PPP2R2A: variants seen among roughly 807,000 people sequenced by gnomAD.
PPP2R2A encodes the protein serine/threonine-protein phosphatase 2A 55 kDa regulatory subunit B alpha isoform.
In PPP2R2A, 9 loss-of-function variants were observed where a neutral mutation model predicts 53.2. That is an observed-to-expected ratio of 0.17 (90% confidence interval 0.10 to 0.30). The LOEUF is 0.30. Among genes scored for constraint, PPP2R2A ranks in the 10% least tolerant of loss-of-function variants. The pLI, the probability that PPP2R2A is intolerant of heterozygous loss-of-function variation, is 1.00. For synonymous variants in PPP2R2A, 169 were observed against 174.2 expected (o/e 0.97, Z 0.23); for missense variants, 235 against 534.6 (o/e 0.44, Z 5.53).
Position 26,295,897 on chromosome 8 carries a change from A to G in PPP2R2A, c.82+2157A>G, listed in dbSNP as rs529472462. ...TGCTTTTCTGAAGTAAAATAAGGTT[A>G]TTAACACATTCCCCACCCCCCTACC... On this transcript the variant is annotated intron_variant, in intron 2 of 9. Transcript: ENST00000380737. Among the ~76,000 whole-genome samples, 19 of 152,266 alleles carry G rather than the reference A, an allele frequency of 1.2e-4. No homozygotes were observed. In the South Asian group the frequency reaches 3.7e-3, roughly 30 times the overall value.
chr8:26,348,254 G>A (rs968567912), intron 3 of PPP2R2A, among the ~76,000 whole-genome samples: 8 of 151,828 alleles, frequency 5.3e-5, no homozygotes, highest in South Asian at 2.1e-4. Context: ...TTTTTTCCAC[G>A]GAGCAAAGTA....
In PPP2R2A at chr8:26,292,357, G is replaced by C. The variant is rs906707773; in HGVS notation, c.7+531G>C. On this transcript the variant is annotated intron_variant, in intron 1 of 9. Transcript: ENST00000380737. ...CCCCACTGTAGATGCCAATATTTTT[G>C]AGACTGGAAGCCTAAATTTTTTGTT... The C allele has an allele frequency of 5.6e-5, 55 of 986,182 alleles. 1 individual carries two copies. The South Asian group carries it at 2.3e-3, about 42-fold the overall frequency. 61.1% of individuals were successfully genotyped at this position (986,182 alleles called of 1,614,324 possible).
rs1585407151 is a variant in PPP2R2A, at chr8:26,360,985, T to C, written c.471T>C (p.Phe157=). 2 of 1,600,272 alleles carry C rather than the reference T, an allele frequency of 1.2e-6. No individual in the cohort carries two copies. The highest frequency in any genetic ancestry group is 2.7e-5 in the African/African-American group (2 of 74,098). Residue 157 remains phenylalanine (F), a synonymous_variant, in exon 6 of 10, where the codon TTT becomes TTC. Coordinates refer to ENST00000380737, the MANE Select transcript of PPP2R2A (RefSeq NM_002717.4). The surrounding 1 kb of genome is among the most constrained non-coding windows in gnomAD (Gnocchi z 4.5). The stretch of plus-strand genomic sequence containing the variant: ...TGTCTTATTGACAGGTGCCAGTCTT[T>C]AGGCCTATGGATCTAATGGTTGAGG... The part of the protein sequence containing the change: ...TTVTTLRVPV[F]RPMDLMVEAS...
At chr8:26,356,379 G>T (rs573066205) in intron 4 of PPP2R2A, among the ~76,000 whole-genome samples, 71 of 152,280 alleles carry the variant, frequency 4.7e-4, no homozygotes, top group Non-Finnish European at 9.1e-4. Flanking sequence ...AGTCCATTGA[G>T]ATGCGTACCC....
At chr8:26,358,005 C>A (rs1050865052) in intron 4 of PPP2R2A, among the ~76,000 whole-genome samples, 6 of 151,924 alleles carry the variant, frequency 3.9e-5, no homozygotes, top group Admixed American at 1.3e-4. Flanking sequence ...TGCTGTAGAA[C>A]ATAAGGATTC....
chr8:26,361,061 A>G lies in PPP2R2A; in HGVS notation c.547A>G (p.Ile183Val), dbSNP rs980752573. 4.2e-5 allele frequency: 68 copies of G among 1,608,184 alleles called. No homozygotes were observed. The highest frequency in any genetic ancestry group is 5.1e-5 in the Non-Finnish European group (60 of 1,178,740). Residue 183 changes from isoleucine (I) to valine (V), a missense_variant, in exon 6 of 10, where the codon ATT (isoleucine) becomes GTT (valine). Ile to Val is a conservative substitution (Grantham distance 29). Coordinates refer to ENST00000380737, the MANE Select transcript of PPP2R2A (RefSeq NM_002717.4). ...ANAHTYHINS[I>V]SINSDYETYL... ...TGCTCATACATATCACATCAACTCA[A>G]TTTCTATTAATAGTGATTATGAAAC...
chr8:26,334,560 A>C (rs1803554915), intron 2 of PPP2R2A, among the ~76,000 whole-genome samples: 1 of 152,046 alleles, frequency 6.6e-6, no homozygotes, highest in South Asian at 2.1e-4. Flanking sequence ...CCTGGCTAAC[A>C]CGGTGAAACC....
At chr8:26,341,603 T>C (rs1382344700) in intron 3 of PPP2R2A, among the ~76,000 whole-genome samples, 1 of 152,230 alleles carries the variant, frequency 6.6e-6, no homozygotes, top group African/African-American at 2.4e-5. Flanking sequence ...GATTTGGGTC[T>C]CCGATTTTCA....
intron 1 of PPP2R2A, chr8:26,292,187 A>G (rs1585312393): frequency 8.9e-7 from 1 of 1,124,812 alleles, no homozygotes; most frequent in Non-Finnish European, 1.1e-6. Flanking sequence ...CCCCGCCTTT[A>G]TTTTTTTTTC....
chr8:26,363,123 T>A, intron 7 of PPP2R2A: 1 of 286,752 alleles, frequency 3.5e-6, no homozygotes, highest in South Asian at 6.6e-5. Context: ...TGTAACCTTG[T>A]ATTGAAGTAG....
intron 2 of PPP2R2A, among the ~76,000 whole-genome samples, chr8:26,320,194 T>C (rs2117263723): frequency 1.3e-5 from 2 of 152,346 alleles, no homozygotes; most frequent in Middle Eastern, 6.8e-3. Flanking sequence ...CAGCCATATG[T>C]GGTAGACGTT....
At chr8:26,361,708 C>G (rs189829016) in intron 6 of PPP2R2A, among the ~76,000 whole-genome samples, 4 of 152,158 alleles carry the variant, frequency 2.6e-5, no homozygotes, top group Non-Finnish European at 4.4e-5. Flanking sequence ...GCCTGTAATC[C>G]CAGCACTTTG....
chr8:26,366,042 C>T (rs1805357713), intron 8 of PPP2R2A: 1 of 305,644 alleles, frequency 3.3e-6, no homozygotes, highest in African/African-American at 2.2e-5. Context: ...TGTTTTTGGC[C>T]TGAATGTTTT....
intron 2 of PPP2R2A, among the ~76,000 whole-genome samples, chr8:26,328,576 G>T (rs73217704): frequency 2.0e-3 from 311 of 152,180 alleles, no homozygotes; most frequent in Non-Finnish European, 3.6e-3. Flanking sequence ...TCCGAGCTCT[G>T]GTAACTATTC....
At chr8:26,293,586 A>G (rs966728898) in intron 1 of PPP2R2A, 80 bp from the exon 2 acceptor site, 6 of 1,376,772 alleles carry the variant, frequency 4.4e-6, no homozygotes, top group Non-Finnish European at 6.1e-6. Flanking sequence ...GTATCATGCC[A>G]ACCATGGATA....
At chr8:26,326,553 T>C (rs1477812469) in intron 2 of PPP2R2A, among the ~76,000 whole-genome samples, 2 of 152,220 alleles carry the variant, frequency 1.3e-5, no homozygotes, top group Non-Finnish European at 2.9e-5. Context: ...TTTCTGATTC[T>C]TATAGCATAG....
intron 2 of PPP2R2A, among the ~76,000 whole-genome samples, chr8:26,316,730 A>G (rs1256954947): frequency 6.6e-6 from 1 of 152,206 alleles, no homozygotes; most frequent in Non-Finnish European, 1.5e-5. Context: ...TTCAGAGACA[A>G]CTGTGTCTTG....
chr8:26,363,508 T>C, intron 7 of PPP2R2A: 1 of 430,306 alleles, frequency 2.3e-6, no homozygotes, highest in East Asian at 3.4e-5. Context: ...ACTGGAAGTA[T>C]ACTGCATACT....
chr8:26,315,532 G>T (rs181984527), intron 2 of PPP2R2A, among the ~76,000 whole-genome samples: 1 of 152,276 alleles, frequency 6.6e-6, no homozygotes, highest in Admixed American at 6.5e-5. Context: ...GTCAGGTTCA[G>T]TTTCTCCAGA....
Sources: allele counts gnomAD v4.1 joint callset (sites outside exome capture counted in the v4.1 genomes callset), GRCh38; gene constraint gnomAD v4.1.1; non-coding constraint Gnocchi (gnomAD v3.1); transcripts MANE v1.5; gene names NCBI Gene and HGNC (gene_info 2026-07-23, HGNC 2026-07-21).